The following ADCY2 variants were observed in gnomAD, a reference collection of about 807,000 sequenced individuals.
ADCY2 encodes the protein adenylate cyclase 2, also known as adenylate cyclase type 2.
ADCY2 carries 31 observed loss-of-function variants against 125.2 expected under a neutral mutation model. The ratio of observed to expected loss-of-function variants is 0.25; its 90% confidence interval spans 0.19 to 0.33. The LOEUF (loss-of-function observed/expected upper bound fraction) is 0.33, where lower values mean the gene tolerates loss of function less well. Among genes scored for constraint, ADCY2 ranks in the 10% least tolerant of loss-of-function variants. The pLI is 1.00. For missense variants in ADCY2, 904 were observed against 1,418.2 expected, an observed-to-expected ratio of 0.64 and a Z score of 5.82; for synonymous variants, 512 against 548.4, an observed-to-expected ratio of 0.93 and a Z score of 0.93.
chr5:7,543,630 A>G (rs1457000751), intron 3 of ADCY2, among the ~76,000 whole-genome samples: 2 of 152,164 alleles, frequency 1.3e-5, no homozygotes, highest in African/African-American at 4.8e-5. Context: ...CCTTTGCACC[A>G]ACTTAATAGA....
chr5:7,819,775 A>G (rs1379726239), intron 23 of ADCY2, among the ~76,000 whole-genome samples: 1 of 152,230 alleles, frequency 6.6e-6, no homozygotes, highest in African/African-American at 2.4e-5. Context: ...CGATGGGACA[A>G]ATAATGAGGT....
intron 17 of ADCY2, among the ~76,000 whole-genome samples, chr5:7,767,154 G>A (rs559308253): frequency 5.5e-4 from 84 of 152,218 alleles, no homozygotes; most frequent in Non-Finnish European, 1.1e-3. Flanking sequence ...ATTGCTAATT[G>A]TTCCAGTGAA....
At chr5:7,666,539 T>A (rs564609666) in intron 4 of ADCY2, among the ~76,000 whole-genome samples, 19 of 151,844 alleles carry the variant, frequency 1.3e-4, no homozygotes, top group Admixed American at 4.6e-4. Flanking sequence ...AAGTGCTGGG[T>A]TTACAGGCGT....
At chr5:7,488,104 A>G (rs56168024) in intron 2 of ADCY2, among the ~76,000 whole-genome samples, 9,606 of 152,200 alleles carry the variant, frequency 0.063, 532 homozygotes, top group African/African-American at 0.14. Context: ...CTTGAATTGT[A>G]ATAATCCCCA....
chr5:7,810,277 G>A (rs1452816582), intron 22 of ADCY2, among the ~76,000 whole-genome samples: 6 of 152,036 alleles, frequency 3.9e-5, no homozygotes, highest in African/African-American at 1.2e-4. Context: ...TGATTGGTGG[G>A]TTATCTGCTT....
intron 4 of ADCY2, among the ~76,000 whole-genome samples, chr5:7,679,205 T>G (rs1740236618): frequency 1.3e-5 from 2 of 151,984 alleles, no homozygotes; most frequent in Admixed American, 1.3e-4. Context: ...TCTGGAGAAT[T>G]GGTGGGGATA....
chr5:7,734,276 T>A, intron 14 of ADCY2, among the ~76,000 whole-genome samples: 1 of 152,178 alleles, frequency 6.6e-6, no homozygotes, highest in East Asian at 1.9e-4. Flanking sequence ...AGATAGCTTG[T>A]AATTAATACA....
chr5:7,756,418 A>G (rs1399082252), intron 15 of ADCY2, among the ~76,000 whole-genome samples: 3 of 152,342 alleles, frequency 2.0e-5, no homozygotes, highest in Admixed American at 2.0e-4. Flanking sequence ...ACAACAGCCA[A>G]GAGGTGAAGC....
chr5:7,819,351 T>G (rs185733626), intron 23 of ADCY2, among the ~76,000 whole-genome samples: 1 of 152,320 alleles, frequency 6.6e-6, no homozygotes, highest in African/African-American at 2.4e-5. Flanking sequence ...ATCAAACTTA[T>G]ATAGACCAAA....
chr5:7,516,310 A>G (rs1421705354), intron 2 of ADCY2, among the ~76,000 whole-genome samples: 1 of 152,190 alleles, frequency 6.6e-6, no homozygotes, highest in Non-Finnish European at 1.5e-5. Context: ...TTATATATAA[A>G]AGCACCCAAT....
intron 23 of ADCY2, among the ~76,000 whole-genome samples, chr5:7,820,350 C>T (rs1745257058): frequency 6.6e-6 from 1 of 151,956 alleles, no homozygotes; most frequent in African/African-American, 2.4e-5. Flanking sequence ...AAAAATTAGC[C>T]AGGTGTGGTG....
At chr5:7,719,274 G>C (rs1294606332) in intron 12 of ADCY2, among the ~76,000 whole-genome samples, 2 of 152,108 alleles carry the variant, frequency 1.3e-5, no homozygotes, top group Non-Finnish European at 2.9e-5. Context: ...CTTAGTGCTG[G>C]TGTAACTGCT....
chr5:7,480,224 A>C (rs570363299), intron 2 of ADCY2, among the ~76,000 whole-genome samples: 44 of 146,250 alleles, frequency 3.0e-4, no homozygotes, highest in African/African-American at 1.1e-3. Context: ...AGAGACCTAA[A>C]GACAGAAATA....
intron 4 of ADCY2, among the ~76,000 whole-genome samples, chr5:7,634,187 C>T (rs1738416730): frequency 6.6e-6 from 1 of 152,074 alleles, no homozygotes; most frequent in East Asian, 1.9e-4. Context: ...ACTGATCATG[C>T]ATATTTAATA....
chr5:7,403,226 G>A (rs1249271402), intron 1 of ADCY2, among the ~76,000 whole-genome samples: 1 of 151,968 alleles, frequency 6.6e-6, no homozygotes, highest in Non-Finnish European at 1.5e-5. Context: ...ATGATCTGTG[G>A]TCATTATGAA....
chr5:7,825,209 A>G (rs1745433585), intron 24 of ADCY2, among the ~76,000 whole-genome samples: 1 of 152,140 alleles, frequency 6.6e-6, no homozygotes, highest in South Asian at 2.1e-4. Context: ...GCGCCACGAC[A>G]ACGCTGCTGT....
chr5:7,627,152 A>G (rs968543919), intron 4 of ADCY2, among the ~76,000 whole-genome samples: 5 of 152,020 alleles, frequency 3.3e-5, no homozygotes. Flanking sequence ...TCCACATAGG[A>G]TGAAATGTTG....
rs1491359535 is a variant in ADCY2 at position 7,555,852 on chromosome 5, G to GCACA, written c.570+34954_570+34955insACAC. On this transcript the variant is annotated intron_variant, in intron 3 of 24. Coordinates refer to ENST00000338316, the MANE Select transcript of ADCY2 (RefSeq NM_020546.3). ...TCCCTTCTTTTACAGACACATGTGAGCGCACACACACACACACACACACAC... is the reference window on the plus strand; with the variant it reads ...TCCCTTCTTTTACAGACACATGTGAGCACACGCACACACACACACACACACACAC... Among the ~76,000 whole-genome samples, 648 of 127,482 alleles carry GCACA rather than the reference G, an allele frequency of 5.1e-3. 5 individuals are homozygous for GCACA. The highest frequency in any genetic ancestry group is 0.018 in the African/African-American group (627 of 35,444). The allele number at this position is 127,482 out of a possible 152,430, so 83.6% of individuals were successfully genotyped here.
intron 4 of ADCY2, among the ~76,000 whole-genome samples, chr5:7,647,900 A>C (rs1013127967): frequency 1.2e-4 from 18 of 152,230 alleles, no homozygotes; most frequent in African/African-American, 4.3e-4. Context: ...AGTATAAAGC[A>C]AAAGAACAAA....
Sources: allele counts gnomAD v4.1 joint callset (sites outside exome capture counted in the v4.1 genomes callset), GRCh38; gene constraint gnomAD v4.1.1; transcripts MANE v1.5; gene names NCBI Gene and HGNC (gene_info 2026-07-23, HGNC 2026-07-21).